ZNF737: variants seen among roughly 807,000 people sequenced by gnomAD.
The protein encoded by ZNF737 is zinc finger protein 737, also known as zinc finger protein 102 (Y3).
ZNF737 carries 13 observed loss-of-function variants against 11.7 expected under a neutral mutation model. The ratio of observed to expected loss-of-function variants is 1.11; its 90% CI spans 0.73 to 1.77. ZNF737 has a LOEUF of 1.77. Ranked by LOEUF, ZNF737 falls within the 40% of genes most tolerant of loss-of-function variation. The pLI is 0.00. For synonymous variants in ZNF737, 217 were observed against 216.2 expected, an observed-to-expected ratio of 1.00 and a Z score of -0.03; for missense variants, 636 against 638.0, an observed-to-expected ratio of 1.00 and a Z score of 0.03.
intron 1 of ZNF737, among the ~76,000 whole-genome samples, chr19:20,554,527 T>C (rs782249906): frequency 6.6e-6 from 1 of 152,180 alleles, no homozygotes; most frequent in African/African-American, 2.4e-5. Flanking sequence ...ATCAGCTACA[T>C]AGTGAAAAAT....
rs957505491 is a variant in ZNF737, at chr19:20,544,228, C to T, written c.*364G>A. On this transcript the variant is annotated 3_prime_UTR_variant, in exon 4 of 4. Coordinates refer to ENST00000427401, the MANE Select transcript of ZNF737 (RefSeq NM_001159293.2). ...AATTATGTGTAAGAAGGGTTCAGAA[C>T]TTCCTAAAAGCGTTGTCACATTCTT... The T allele has an allele frequency of 1.2e-5, 13 of 1,047,818 alleles. No homozygotes were observed. Among genetic ancestry groups the T allele is most frequent in the Admixed American group, 4.9e-5 (1 of 20,242 alleles). 64.9% of individuals were successfully genotyped at this position (1,047,818 alleles called of 1,614,324 possible).
intron 1 of ZNF737, among the ~76,000 whole-genome samples, chr19:20,557,031 C>A (rs2545956): frequency 0.24 from 36,137 of 152,042 alleles, 4,374 homozygotes; most frequent in South Asian, 0.33. Context: ...CTAAATATAG[C>A]CAGATGAAAG....
rs1392765111 is a variant in ZNF737 at position 20,541,171 on chromosome 19, A to G, written c.*3421T>C. On this transcript the variant is annotated 3_prime_UTR_variant, in exon 4 of 4. Coordinates refer to ENST00000427401, the MANE Select transcript of ZNF737 (RefSeq NM_001159293.2). ...ATAGATTTGCTTTCACCATTTTAAAAGTGTTTAGTTTTGTTAATCACCTAA... is the reference window on the plus strand; with the variant it reads ...ATAGATTTGCTTTCACCATTTTAAAGGTGTTTAGTTTTGTTAATCACCTAA... The G allele has an allele frequency of 7.1e-6, 7 of 982,588 alleles. No individual in the cohort carries two copies. In the East Asian group the frequency reaches 8.0e-4, roughly 112 times the overall value. The allele number at this position is 982,588 out of a possible 1,614,324, so 60.9% of individuals were successfully genotyped here.
At position 20,557,463 on chromosome 19, in the gene ZNF737, G is replaced by A. The variant is rs1968930074; in HGVS notation, c.4-3628C>T. On this transcript the variant is annotated intron_variant, in intron 1 of 3. Coordinates refer to ENST00000427401, the MANE Select transcript of ZNF737 (RefSeq NM_001159293.2). ...TCTCTATGTCACTGCAGTACTACCA[G>A]TTTTGTTTTTTCTAAGCTTACCTAA... is the stretch of plus-strand genomic sequence containing the variant. Among the ~76,000 whole-genome samples the A allele has an allele frequency of 4.8e-5, 6 of 126,210 alleles. No homozygotes were observed. The South Asian group carries it at 1.5e-3, about 32-fold the overall frequency. The allele number at this position is 126,210 out of a possible 152,430, so 82.8% of individuals were successfully genotyped here.
In ZNF737 at chr19:20,545,328, T is replaced by C. The variant is rs781913613; in HGVS notation, c.875A>G (p.Lys292Arg). Residue 292 changes from lysine (K) to arginine (R), a missense_variant, in exon 4 of 4, where the codon AAG (lysine) becomes AGG (arginine). Physicochemically the swap from Lys to Arg is conservative, Grantham distance 26. Coordinates refer to ENST00000427401, the MANE Select transcript of ZNF737 (RefSeq NM_001159293.2). ...AAGGATAGAGGAGCGCTTAAAGGCCTTGCCACATTCTTCACATTTGTAGGG... is the reference window on the plus strand; with the variant it reads ...AAGGATAGAGGAGCGCTTAAAGGCCCTGCCACATTCTTCACATTTGTAGGG... ...EKPYKCEECG[K>R]AFKRSSILTA... 1 of 1,613,594 alleles carries C rather than the reference T, an allele frequency of 6.2e-7. No homozygotes were observed. The highest frequency in any genetic ancestry group is 8.5e-7 in the Non-Finnish European group (1 of 1,179,846).
intron 1 of ZNF737, 86 bp from the exon 2 acceptor site, chr19:20,553,921 G>A: frequency 6.6e-7 from 1 of 1,512,750 alleles, no homozygotes; most frequent in Non-Finnish European, 9.0e-7. Flanking sequence ...AGAGAGTAAA[G>A]ACAAATGGTT....
In ZNF737 at chr19:20,543,759, C is replaced by T. The variant is rs1444488251; in HGVS notation, c.*833G>A. 1.2e-5 allele frequency: 12 copies of T among 985,214 alleles called. No homozygotes were observed. In the South Asian group the frequency reaches 1.4e-4, roughly 12 times the overall value. 61.0% of individuals were successfully genotyped at this position (985,214 alleles called of 1,614,324 possible). A position where few individuals can be genotyped will look rare whatever the true frequency, so the allele number is the denominator to read the frequency against. On this transcript the variant is annotated 3_prime_UTR_variant, in exon 4 of 4. Transcript: ENST00000427401. ...TATGTGTAGAGAAGTTGGAGGTGTT[C>T]GTAAAAGCAATGTCACATTTTTTAG...
rs1271991630 is a variant in ZNF737, at chr19:20,539,642, C to T, written c.*4950G>A. ...GTGTTTACAGTTTAATCTTGTATTA[C>T]AGTATAGTAGAATCCTCTATAATTA... On this transcript the variant is annotated 3_prime_UTR_variant, in exon 4 of 4. Transcript: ENST00000427401. 1.3e-4 allele frequency: 122 copies of T among 939,350 alleles called. No homozygotes were observed. Among genetic ancestry groups the T allele is most frequent in the Non-Finnish European group, 1.5e-4 (120 of 788,206 alleles). 58.2% of individuals were successfully genotyped at this position (939,350 alleles called of 1,614,324 possible).
chr19:20,550,396 T>C (rs1555758048), intron 3 of ZNF737, among the ~76,000 whole-genome samples: 1 of 152,242 alleles, frequency 6.6e-6, no homozygotes, highest in Non-Finnish European at 1.5e-5. Context: ...CTACTAATTA[T>C]GTAATTTACT....
At chr19:20,553,635 TA>T in intron 2 of ZNF737, 73 bp downstream of exon 2, 4 of 1,428,010 alleles carry the variant, frequency 2.8e-6, no homozygotes, top group Non-Finnish European at 1.9e-6. Flanking sequence ...AATAAATTAC[TA>T]AAAAAATTCT....
chr19:20,541,928 A>C lies in ZNF737; in HGVS notation c.*2664T>G. 1.3e-6 allele frequency: 1 copy of C among 750,156 alleles called. No homozygotes were observed. Among genetic ancestry groups the C allele is most frequent in the East Asian group, 1.3e-4 (1 of 7,646 alleles). The allele number at this position is 750,156 out of a possible 1,614,324, so 46.5% of individuals were successfully genotyped here. On this transcript the variant is annotated 3_prime_UTR_variant, in exon 4 of 4. Coordinates refer to ENST00000427401, the MANE Select transcript of ZNF737 (RefSeq NM_001159293.2). ...TTGTAGGCCTGAGTCAAAAGATGCCATATAAGGCATAAATATATACACATA... is the reference window on the plus strand; with the variant it reads ...TTGTAGGCCTGAGTCAAAAGATGCCCTATAAGGCATAAATATATACACATA...
Position 20,540,280 on chromosome 19 carries a change from C to A in ZNF737, c.*4312G>T, listed in dbSNP as rs938686132. 18 of 355,900 alleles carry A rather than the reference C, an allele frequency of 5.1e-5. No individual in the cohort carries two copies. Among genetic ancestry groups the A allele is most frequent in the African/African-American group, 3.1e-4 (14 of 45,134 alleles). The allele number at this position is 355,900 out of a possible 1,614,324, so 22.0% of individuals were successfully genotyped here. On this transcript the variant is annotated 3_prime_UTR_variant, in exon 4 of 4. Transcript: ENST00000427401. ...CACCTCTGATTAAGTTTAGCACAATCAGGATAATCTCCATTTTGATAAACA... is the reference window on the plus strand; with the variant it reads ...CACCTCTGATTAAGTTTAGCACAATAAGGATAATCTCCATTTTGATAAACA...
Position 20,561,689 on chromosome 19 carries a change from T to A in ZNF737, c.3+3949A>T, listed in dbSNP as rs186972532. 2.6e-3 allele frequency among the ~76,000 whole-genome samples: 385 copies of A among 148,750 alleles called. 1 individual carries two copies. The highest frequency in any genetic ancestry group is 4.7e-3 in the Admixed American group (70 of 15,012). On this transcript the variant is annotated intron_variant, in intron 1 of 3. Transcript: ENST00000427401. ...CCAACACCAACTCATTGTCTAACAT[T>A]TGAATTCTGACACCACCGAGAGTCA...
At position 20,540,975 on chromosome 19, in the gene ZNF737, AG is replaced by A. The variant is rs1555755000; in HGVS notation, c.*3616del. ...TTTTGGTTGAATGTTCATTCAAATAAGTGTTAAAAATGATTTTTTTTTCCTG... is the reference window on the plus strand; with the variant it reads ...TTTTGGTTGAATGTTCATTCAAATAATGTTAAAAATGATTTTTTTTTCCTG... On this transcript the variant is annotated 3_prime_UTR_variant, in exon 4 of 4. Transcript: ENST00000427401. 4.1e-6 allele frequency: 4 copies of A among 970,096 alleles called. No homozygotes were observed. The highest frequency in any genetic ancestry group is 4.9e-6 in the Non-Finnish European group (4 of 824,212). The allele number at this position is 970,096 out of a possible 1,614,324, so 60.1% of individuals were successfully genotyped here.
chr19:20,539,339 G>A lies in ZNF737; in HGVS notation c.*5253C>T, dbSNP rs1184252761. ...TTCAATTACTTGGAAACCCTGGGAAGCCCCTATAAAATACTCCCTTTGAAT... is the reference window on the plus strand; with the variant it reads ...TTCAATTACTTGGAAACCCTGGGAAACCCCTATAAAATACTCCCTTTGAAT... On this transcript the variant is annotated 3_prime_UTR_variant, in exon 4 of 4. Coordinates refer to ENST00000427401, the MANE Select transcript of ZNF737 (RefSeq NM_001159293.2). The A allele has an allele frequency of 1.0e-6, 1 of 984,670 alleles. No homozygotes were observed. The highest frequency in any genetic ancestry group is 1.2e-6 in the Non-Finnish European group (1 of 829,724). 61.0% of individuals were successfully genotyped at this position (984,670 alleles called of 1,614,324 possible).
At chr19:20,557,468 G>GT (rs1239147404) in intron 1 of ZNF737, among the ~76,000 whole-genome samples, 1 of 90,958 alleles carries the variant, frequency 1.1e-5, no homozygotes, top group African/African-American at 4.0e-5. Flanking sequence ...TACCAGTTTT[G>GT]TTTTTTCTAA....
chr19:20,542,330 G>T lies in ZNF737; in HGVS notation c.*2262C>A, dbSNP rs572786604. 4.6e-6 allele frequency: 2 copies of T among 430,930 alleles called. No individual in the cohort carries two copies. Among genetic ancestry groups the T allele is most frequent in the Non-Finnish European group, 6.2e-6 (2 of 323,780 alleles). The allele number at this position is 430,930 out of a possible 1,614,324, so 26.7% of individuals were successfully genotyped here. ...TGCAACCTCTGCCTCCCAGGTTCAA[G>T]TGTTTCTCCTGCCTCAGCCTCCTGA... On this transcript the variant is annotated 3_prime_UTR_variant, in exon 4 of 4. Transcript: ENST00000427401.
Position 20,542,008 on chromosome 19 carries a change from A to T in ZNF737, c.*2584T>A, listed in dbSNP as rs1014014682. 8.1e-6 allele frequency: 8 copies of T among 983,566 alleles called. No homozygotes were observed. The highest frequency in any genetic ancestry group is 4.7e-5 in the South Asian group (1 of 21,224). The allele number at this position is 983,566 out of a possible 1,614,324, so 60.9% of individuals were successfully genotyped here. ...TTAAATAATAAAGAGTCAAAATTTA[A>T]TCTATGGGAACAATATTTAACTCAT... On this transcript the variant is annotated 3_prime_UTR_variant, in exon 4 of 4. Coordinates refer to ENST00000427401, the MANE Select transcript of ZNF737 (RefSeq NM_001159293.2).
At chr19:20,554,539 T>A (rs1186398309) in intron 1 of ZNF737, among the ~76,000 whole-genome samples, 1 of 152,220 alleles carries the variant, frequency 6.6e-6, no homozygotes, top group Admixed American at 6.5e-5. Context: ...GTGAAAAATA[T>A]CTGTCACAGA....
Sources: allele counts gnomAD v4.1 joint callset (sites outside exome capture counted in the v4.1 genomes callset), GRCh38; gene constraint gnomAD v4.1.1; transcripts MANE v1.5; gene names NCBI Gene and HGNC (gene_info 2026-07-23, HGNC 2026-07-21).